The following IL6R variants were observed in gnomAD, a reference collection of about 807,000 sequenced individuals.
IL6R encodes interleukin 6 receptor.
IL6R carries 38 observed loss-of-function variants against 48.3 expected under a neutral mutation model. The observed-to-expected ratio is 0.79, with a 90% CI of 0.61 to 1.03. IL6R has a LOEUF of 1.03. Among genes scored for constraint, IL6R ranks in the 50% least tolerant of loss-of-function variants. The probability of loss-of-function intolerance (pLI) is 0.00; values close to 1 mark genes in which losing one functional copy is unlikely to be tolerated. For synonymous variants in IL6R, 264 were observed against 256.2 expected (o/e 1.03, Z -0.29); for missense variants, 534 against 618.3 (o/e 0.86, Z 1.45).
intron 9 of IL6R, among the ~76,000 whole-genome samples, chr1:154,459,968 G>C (rs896930922): frequency 6.6e-6 from 1 of 152,078 alleles, no homozygotes; most frequent in Non-Finnish European, 1.5e-5. Flanking sequence ...GCTGGGGGAC[G>C]GGCAGAGGGA....
intron 1 of IL6R, chr1:154,415,142 C>G: frequency 1.1e-6 from 1 of 911,646 alleles, no homozygotes; most frequent in Non-Finnish European, 1.7e-6. Flanking sequence ...ACTTGCCGTC[C>G]TCAGCCTGCA....
Position 154,435,173 on chromosome 1 carries a change from C to A in IL6R, c.807+17C>A. ...ACATGGATGGTAAATTTATGTTTTA[C>A]TTCTGGTCAGAGAGGCGCCCCTAGA... On this transcript the variant is annotated intron_variant, in intron 5 of 9. Coordinates refer to ENST00000368485, the MANE Select transcript of IL6R (RefSeq NM_000565.4). 1 of 1,612,284 alleles carries A rather than the reference C, an allele frequency of 6.2e-7. No individual in the cohort carries two copies.
rs371295032 is a variant in IL6R, at chr1:154,431,296, G to T, written c.458+690G>T. 3.9e-5 allele frequency among the ~76,000 whole-genome samples: 6 copies of T among 152,244 alleles called. No individual in the cohort carries two copies. In the East Asian group the frequency reaches 9.7e-4, roughly 25 times the overall value. ...CAAATCTGCCTCTGCAGTTTTGCTG[G>T]TCTCCATCCCAGAGCCACAGTCTCC... On this transcript the variant is annotated intron_variant, in intron 3 of 9. Coordinates refer to ENST00000368485, the MANE Select transcript of IL6R (RefSeq NM_000565.4).
intron 4 of IL6R, 65 bp downstream of exon 4, chr1:154,434,765 C>G: frequency 6.7e-7 from 1 of 1,492,124 alleles, no homozygotes. Flanking sequence ...TCCTTATCGA[C>G]TTCTCAGAGT....
At chr1:154,422,346 ATC>A (rs1688718220) in intron 1 of IL6R, among the ~76,000 whole-genome samples, 1 of 152,128 alleles carries the variant, frequency 6.6e-6, no homozygotes, top group Non-Finnish European at 1.5e-5. Flanking sequence ...CCCCAATAAA[ATC>A]TCTCTTCCCC....
chr1:154,430,241 C>T (rs1207348671), intron 2 of IL6R, among the ~76,000 whole-genome samples: 15 of 152,206 alleles, frequency 9.9e-5, no homozygotes. Context: ...TCCTGAGGTT[C>T]TTCCCTTCCC....
At chr1:154,462,807 TTAATTA>T (rs1248838745) in intron 9 of IL6R, among the ~76,000 whole-genome samples, 12 of 152,262 alleles carry the variant, frequency 7.9e-5, no homozygotes, top group African/African-American at 2.9e-4. Context: ...ATTTAATTAA[TTAATTA>T]ATTTATTTAT....
At chr1:154,436,641 T>C (rs1456944144) in intron 6 of IL6R, among the ~76,000 whole-genome samples, 2 of 152,228 alleles carry the variant, frequency 1.3e-5, no homozygotes, top group African/African-American at 2.4e-5. Flanking sequence ...TGTCTGACGA[T>C]GGTGCTGGCT....
intron 5 of IL6R, 126 bp from the exon 6 acceptor site, chr1:154,435,843 G>A (rs1689594740): frequency 2.6e-6 from 2 of 770,066 alleles, no homozygotes. Context: ...CTCTGGGGTT[G>A]TGGGAGCCTC....
intron 6 of IL6R, among the ~76,000 whole-genome samples, chr1:154,442,644 C>G (rs536985557): frequency 6.6e-6 from 1 of 152,380 alleles, no homozygotes; most frequent in South Asian, 2.1e-4. Flanking sequence ...CAGGGTCACT[C>G]TGTCTTAGCC....
intron 3 of IL6R, 98 bp downstream of exon 3, chr1:154,430,704 A>G: frequency 1.4e-6 from 2 of 1,477,426 alleles, no homozygotes; most frequent in South Asian, 2.3e-5. Context: ...CATTATCATT[A>G]GGAATTAATT....
rs752579637 is a variant in IL6R at position 154,429,222 on chromosome 1, C to G, written c.112C>G (p.Leu38Val). ...GGTGGCGAGAGGCGTGCTGACCAGTCTGCCAGGAGACAGCGTGACTCTGAC... is the reference window on the plus strand; with the variant it reads ...GGTGGCGAGAGGCGTGCTGACCAGTGTGCCAGGAGACAGCGTGACTCTGAC... ...QEVARGVLTSLPGDSVTLTCP... is the reference protein window; with the variant it reads ...QEVARGVLTSVPGDSVTLTCP... Residue 38 changes from leucine (L) to valine (V), a missense_variant, in exon 2 of 10, where the codon CTG becomes GTG. Transcript: ENST00000368485. 4 of 1,613,566 alleles carry G rather than the reference C, an allele frequency of 2.5e-6. No individual in the cohort carries two copies. The highest frequency in any genetic ancestry group is 4.5e-5 in the East Asian group (2 of 44,856).
chr1:154,449,934 T>C lies in IL6R; in HGVS notation c.1020T>C (p.Asp340=), dbSNP rs1690484957. ...AGGCACTTACTACTAATAAAGACGATGATAATATTCTCTTCAGAGATTCTG... is the reference window on the plus strand; with the variant it reads ...AGGCACTTACTACTAATAAAGACGACGATAATATTCTCTTCAGAGATTCTG... ...PMQALTTNKD[D]DNILFRDSAN... The change falls in exon 8 of 10, where the codon GAT becomes GAC. Residue 340 remains aspartate, a synonymous_variant. Transcript: ENST00000368485. 6.2e-7 allele frequency: 1 copy of C among 1,610,206 alleles called. No homozygotes were observed. The highest frequency in any genetic ancestry group is 8.5e-7 in the Non-Finnish European group (1 of 1,176,444).
chr1:154,423,720 A>C (rs1174804106), intron 1 of IL6R, among the ~76,000 whole-genome samples: 2 of 152,222 alleles, frequency 1.3e-5, no homozygotes, highest in Middle Eastern at 3.2e-3. Context: ...TGGGTGGTTT[A>C]TAATTAATCA....
chr1:154,416,850 C>T (rs1688387772), intron 1 of IL6R, among the ~76,000 whole-genome samples: 1 of 152,140 alleles, frequency 6.6e-6, no homozygotes, highest in South Asian at 2.1e-4. Context: ...AAACTGAACA[C>T]ATGCATGGAA....
At chr1:154,446,349 G>A (rs1268627653) in intron 6 of IL6R, among the ~76,000 whole-genome samples, 8 of 152,054 alleles carry the variant, frequency 5.3e-5, no homozygotes, top group Non-Finnish European at 1.5e-5. Flanking sequence ...CTGGTGTGTG[G>A]TTTCCCCCTT....
chr1:154,455,949 C>T (rs999446066), intron 9 of IL6R, among the ~76,000 whole-genome samples: 26 of 151,916 alleles, frequency 1.7e-4, no homozygotes, highest in Non-Finnish European at 3.1e-4. Context: ...CCCAGCTACT[C>T]GGGAAACTGA....
Position 154,445,224 on chromosome 1 carries a change from C to T in IL6R, c.950-2901C>T, listed in dbSNP as rs372986182. 1.2e-3 allele frequency: 469 copies of T among 397,558 alleles called. 3 individuals are homozygous for T. The highest frequency in any genetic ancestry group is 8.4e-3 in the South Asian group (460 of 54,668). The allele number at this position is 397,558 out of a possible 1,614,324, so 24.6% of individuals were successfully genotyped here. On this transcript the variant is annotated intron_variant, in intron 6 of 9. Transcript: ENST00000368485. ...CGAGGAAAGGTGTGAAGTAGGGTCC[C>T]CTTGCTCAGCACGCAGGAGCTGCCT...
intron 3 of IL6R, among the ~76,000 whole-genome samples, chr1:154,431,497 G>A (rs750140736): frequency 2.0e-5 from 3 of 152,186 alleles, no homozygotes; most frequent in Non-Finnish European, 4.4e-5. Context: ...TAAATTAGGT[G>A]CAGTAAGAGG....
Sources: allele counts gnomAD v4.1 joint callset (sites outside exome capture counted in the v4.1 genomes callset), GRCh38; gene constraint gnomAD v4.1.1; transcripts MANE v1.5; gene names NCBI Gene and HGNC (gene_info 2026-07-23, HGNC 2026-07-21).